The following NDOR1 variants were observed in gnomAD, a reference collection of about 807,000 sequenced individuals.
NDOR1 encodes NADPH-dependent diflavin oxidoreductase 1.
NDOR1 carries 61 observed loss-of-function variants against 67.2 expected under a neutral mutation model. That is an observed-to-expected ratio of 0.91 (90% CI 0.74 to 1.12). The LOEUF is 1.12. Ranked by LOEUF, NDOR1 falls within the 50% of genes most tolerant of loss-of-function variation. NDOR1 has a pLI of 0.00. For synonymous variants in NDOR1, 378 were observed against 343.7 expected (o/e 1.10, Z -1.10); for missense variants, 878 against 802.8 (o/e 1.09, Z -1.13).
At chr9:137,207,641 C>G (rs1209886524) in intron 2 of NDOR1, among the ~76,000 whole-genome samples, 2 of 152,076 alleles carry the variant, frequency 1.3e-5, no homozygotes, top group Admixed American at 6.5e-5. Flanking sequence ...AAGGAGAGGA[C>G]TGGGGGAGTG....
At position 137,214,352 on chromosome 9, in the gene NDOR1, G is replaced by A. The variant is rs1466063348; in HGVS notation, c.661G>A (p.Gly221Ser). ...APMISNQRVT[G>S]PSHFQDVRLI... is the part of the protein sequence containing the mutation. ...CATGATCTCCAACCAGAGAGTCACC[G>A]GCCCCTCCCACTTCCAGGACGTTCG... The change falls in exon 6 of 14, where the codon GGC becomes AGC. Residue 221 changes from glycine to serine, a missense_variant. Transcript: ENST00000684003. The A allele has an allele frequency of 1.1e-5, 18 of 1,614,016 alleles. No individual in the cohort carries two copies. The highest frequency in any genetic ancestry group is 1.6e-4 in the Middle Eastern group (1 of 6,084).
At chr9:137,210,369 C>T (rs1054754852) in intron 2 of NDOR1, among the ~76,000 whole-genome samples, 15 of 151,972 alleles carry the variant, frequency 9.9e-5, no homozygotes, top group African/African-American at 2.7e-4. Flanking sequence ...ACTGCAGGTG[C>T]GCACCACCAC....
Position 137,216,630 on chromosome 9 carries a change from T to C in NDOR1, c.*214T>C. On this transcript the variant is annotated 3_prime_UTR_variant, in exon 14 of 14. Coordinates refer to ENST00000684003, the MANE Select transcript of NDOR1 (RefSeq NM_014434.4). The stretch of plus-strand genomic sequence containing the variant: ...ACTGCAGCCTCTGCCCAGCCAGCCC[T>C]GCGCTCCCCCACCCTGACAGTGAGC... 1.6e-6 allele frequency: 1 copy of C among 620,030 alleles called. No homozygotes were observed. Among genetic ancestry groups the C allele is most frequent in the South Asian group, 2.0e-5 (1 of 50,746 alleles). The allele number at this position is 620,030 out of a possible 1,614,324, so 38.4% of individuals were successfully genotyped here.
At position 137,210,118 on chromosome 9, in the gene NDOR1, G is replaced by A. The variant is rs573648577; in HGVS notation, c.214-2384G>A. On this transcript the variant is annotated intron_variant, in intron 2 of 13. Transcript: ENST00000684003. ...CCACACCCCACCCGAGGAAAGACCC[G>A]CATAACAGGCAGAGACGGGCACAGG... Among the ~76,000 whole-genome samples, 7 of 152,318 alleles carry A rather than the reference G, an allele frequency of 4.6e-5. No individual in the cohort carries two copies. In the South Asian group the frequency reaches 1.2e-3, roughly 27 times the overall value.
chr9:137,205,971 C>G, intron 1 of NDOR1, 59 bp downstream of exon 1: 1 of 1,505,376 alleles, frequency 6.6e-7, no homozygotes. Context: ...GCCCGCCTCG[C>G]GGGGTCATCG....
rs569584388 is a variant in NDOR1 at position 137,212,448 on chromosome 9, G to A, written c.214-54G>A. On this transcript the variant is annotated intron_variant, in intron 2 of 13. Coordinates refer to ENST00000684003, the MANE Select transcript of NDOR1 (RefSeq NM_014434.4). The surrounding 1 kb of genome is among the most constrained non-coding windows in gnomAD (Gnocchi z 4.3). ...TGAGACCCTCCCCTCACCCCCTGCT[G>A]TGGGGCTAGCCTAGAGGTCGAGGAC... is the stretch of plus-strand genomic sequence containing the variant. 4.6e-6 allele frequency: 7 copies of A among 1,521,994 alleles called. No individual in the cohort carries two copies. The African/African-American group carries it at 6.8e-5, about 15-fold the overall frequency. 94.3% of individuals were successfully genotyped at this position (1,521,994 alleles called of 1,614,324 possible). A position where few individuals can be genotyped will look rare whatever the true frequency, so the allele number is the denominator to read the frequency against.
intron 2 of NDOR1, among the ~76,000 whole-genome samples, chr9:137,211,193 A>G (rs942499371): frequency 6.6e-6 from 1 of 152,200 alleles, no homozygotes; most frequent in Non-Finnish European, 1.5e-5. Context: ...AAGATAGAAA[A>G]TGGAAGGAAG....
chr9:137,216,453 C>G lies in NDOR1; in HGVS notation c.*37C>G, dbSNP rs1228852172. The G allele has an allele frequency of 2.5e-6, 4 of 1,576,754 alleles. No homozygotes were observed. The East Asian group carries it at 9.0e-5, about 36-fold the overall frequency. ...GCCCGTGCCCCCTCTGACAGCCATCCTCCTGGGAGCCCAGGAAGGCATCCA... is the reference window on the plus strand; with the variant it reads ...GCCCGTGCCCCCTCTGACAGCCATCGTCCTGGGAGCCCAGGAAGGCATCCA... On this transcript the variant is annotated 3_prime_UTR_variant, in exon 14 of 14. Coordinates refer to ENST00000684003, the MANE Select transcript of NDOR1 (RefSeq NM_014434.4).
chr9:137,210,253 G>A (rs1835188020), intron 2 of NDOR1, among the ~76,000 whole-genome samples: 1 of 152,088 alleles, frequency 6.6e-6, no homozygotes, highest in Non-Finnish European at 1.5e-5. Context: ...CAGAGCTCTT[G>A]CTCTGTTGCC....
chr9:137,208,971 C>T (rs941826052), intron 2 of NDOR1, among the ~76,000 whole-genome samples: 2 of 152,152 alleles, frequency 1.3e-5, no homozygotes, highest in African/African-American at 2.4e-5. Flanking sequence ...AGCACTGCCT[C>T]CCGGGTTCGC....
Position 137,216,638 on chromosome 9 carries a change from C to A in NDOR1, c.*222C>A. 1 of 606,270 alleles carries A rather than the reference C, an allele frequency of 1.6e-6. No individual in the cohort carries two copies. Among genetic ancestry groups the A allele is most frequent in the Non-Finnish European group, 2.9e-6 (1 of 348,226 alleles). 37.6% of individuals were successfully genotyped at this position (606,270 alleles called of 1,614,324 possible). ...CTCTGCCCAGCCAGCCCTGCGCTCC[C>A]CCACCCTGACAGTGAGCTGTGTCCT... On this transcript the variant is annotated 3_prime_UTR_variant, in exon 14 of 14. Coordinates refer to ENST00000684003, the MANE Select transcript of NDOR1 (RefSeq NM_014434.4).
rs375458356 is a variant in NDOR1 at position 137,214,762 on chromosome 9, G to T, written c.845-36G>T. 8 of 1,595,842 alleles carry T rather than the reference G, an allele frequency of 5.0e-6. No homozygotes were observed. In the East Asian group the frequency reaches 1.8e-4, roughly 36 times the overall value. ...CCTGGGCCCCCACCCCAAGGGCTCC[G>T]CCGCAGCCCACGGAGGCCTCCCACT... On this transcript the variant is annotated intron_variant, in intron 7 of 13. Coordinates refer to ENST00000684003, the MANE Select transcript of NDOR1 (RefSeq NM_014434.4).
chr9:137,205,882 C>G lies in NDOR1; in HGVS notation c.105C>G (p.Cys35Trp). ...GREARRRRLGCRVQALDSYPV... is the reference protein window; with the variant it reads ...GREARRRRLGWRVQALDSYPV... ...AGGCCCGGCGCCGGCGGCTTGGCTG[C>G]CGGGTGCAGGCCCTGGACTCCTACC... is the stretch of plus-strand genomic sequence containing the variant. The change falls in exon 1 of 14, where the codon TGC becomes TGG. Residue 35 changes from cysteine (C) to tryptophan (W), a missense_variant. By Grantham distance (215) the Cys-to-Trp change is radical. Transcript: ENST00000684003. The G allele has an allele frequency of 1.3e-6, 2 of 1,598,244 alleles. No homozygotes were observed. The highest frequency in any genetic ancestry group is 1.7e-6 in the Non-Finnish European group (2 of 1,177,928).
At position 137,206,047 on chromosome 9, in the gene NDOR1, G is replaced by A. The variant is rs1834946773; in HGVS notation, c.135+135G>A. 11 of 1,481,092 alleles carry A rather than the reference G, an allele frequency of 7.4e-6. No individual in the cohort carries two copies. The South Asian group carries it at 1.2e-4, about 16-fold the overall frequency. The allele number at this position is 1,481,092 out of a possible 1,614,324, so 91.7% of individuals were successfully genotyped here. Reference sequence around the variant, plus strand: ...CCTTATGGCGGATTTAGGGAAGGAGGTTTGGGAAGGGGAGTTCAGTTTAGC... The same window carrying A: ...CCTTATGGCGGATTTAGGGAAGGAGATTTGGGAAGGGGAGTTCAGTTTAGC... On this transcript the variant is annotated intron_variant, in intron 1 of 13. Transcript: ENST00000684003.
intron 3 of NDOR1, among the ~76,000 whole-genome samples, chr9:137,213,173 C>G (rs1158544633): frequency 6.6e-6 from 1 of 152,222 alleles, no homozygotes; most frequent in Non-Finnish European, 1.5e-5. Context: ...GAGACAGCTC[C>G]CCCCGGTTCT....
intron 6 of NDOR1, 26 bp from the exon 7 acceptor site, chr9:137,214,544 C>T: frequency 6.2e-7 from 1 of 1,610,770 alleles, no homozygotes; most frequent in Non-Finnish European, 8.5e-7. Context: ...GGCGTCCCCA[C>T]AGCCCTGGTG....
At position 137,205,763 on chromosome 9, in the gene NDOR1, A is replaced by C; in HGVS notation, c.-15A>C. ...CTAGTTTTTAGTCTCAGACCAGACC[A>C]CCGGGCGCACCCCGATGCCGAGCCC... On this transcript the variant is annotated 5_prime_UTR_variant, in exon 1 of 14. Transcript: ENST00000684003. 6.2e-7 allele frequency: 1 copy of C among 1,602,332 alleles called. No individual in the cohort carries two copies. The highest frequency in any genetic ancestry group is 8.5e-7 in the Non-Finnish European group (1 of 1,179,600).
Position 137,215,388 on chromosome 9 carries a change from A to AC in NDOR1, c.1174-15dup. 29 of 1,064,784 alleles carry AC rather than the reference A, an allele frequency of 2.7e-5. No individual in the cohort carries two copies. The highest frequency in any genetic ancestry group is 3.8e-5 in the Non-Finnish European group (27 of 706,580). The allele number at this position is 1,064,784 out of a possible 1,614,324, so 66.0% of individuals were successfully genotyped here. A position where few individuals can be genotyped will look rare whatever the true frequency, so the allele number is the denominator to read the frequency against. On this transcript the variant is annotated intron_variant, in intron 9 of 13. Transcript: ENST00000684003. Reference sequence around the variant, plus strand: ...AGGGCAGCCTTGTTCCACCACCCCCACCCCGCCGTCCTCCCCAGACTCACC... The same window carrying AC: ...AGGGCAGCCTTGTTCCACCACCCCCACCCCCGCCGTCCTCCCCAGACTCACC...
intron 2 of NDOR1, among the ~76,000 whole-genome samples, chr9:137,206,692 C>T (rs922222964): frequency 1.3e-5 from 2 of 152,198 alleles, no homozygotes; most frequent in South Asian, 4.1e-4. Flanking sequence ...GTGAACCCAG[C>T]AGCCATATTT....
Sources: allele counts gnomAD v4.1 joint callset (sites outside exome capture counted in the v4.1 genomes callset), GRCh38; gene constraint gnomAD v4.1.1; non-coding constraint Gnocchi (gnomAD v3.1); transcripts MANE v1.5; gene names NCBI Gene and HGNC (gene_info 2026-07-23, HGNC 2026-07-21).